The following SORCS1 variants were observed in gnomAD, a reference collection of about 807,000 sequenced individuals.
The protein encoded by SORCS1 is VPS10 domain-containing receptor SorCS1.
In SORCS1, 60 loss-of-function variants were observed where a neutral mutation model predicts 146.1. The ratio of observed to expected loss-of-function variants is 0.41; its 90% CI spans 0.33 to 0.51. SORCS1 has a LOEUF of 0.51. Ranked by LOEUF, SORCS1 falls within the 20% of genes least tolerant of loss-of-function variation. The probability of loss-of-function intolerance (pLI) is 0.21; values close to 1 mark genes in which losing one functional copy is unlikely to be tolerated. For missense variants in SORCS1, 1,352 were observed against 1,487.6 expected (o/e 0.91, Z 1.50); for synonymous variants, 637 against 584.0 (o/e 1.09, Z -1.31).
Position 107,156,798 on chromosome 10 carries a change from T to A in SORCS1, c.558+7171A>T, listed in dbSNP as rs1969317846. Among the ~76,000 whole-genome samples, 3 of 152,206 alleles carry A rather than the reference T, an allele frequency of 2.0e-5. No homozygotes were observed. The East Asian group carries it at 5.8e-4, about 29-fold the overall frequency. ...ACTAGCTTTTATCTGCATAAGAAAA[T>A]CAAAGAGAGGAAGAGATGGCTATAC... is the stretch of plus-strand genomic sequence containing the variant. On this transcript the variant is annotated intron_variant, in intron 1 of 25. Transcript: ENST00000263054.
chr10:107,029,594 A>G lies in SORCS1; in HGVS notation c.559-73014T>C, dbSNP rs190316604. 5.3e-5 allele frequency among the ~76,000 whole-genome samples: 8 copies of G among 152,350 alleles called. No homozygotes were observed. The East Asian group carries it at 1.2e-3, about 22-fold the overall frequency. On this transcript the variant is annotated intron_variant, in intron 1 of 25. Transcript: ENST00000263054. ...ATCCTATTGCCTAAATTCTCAATGC[A>G]TCATTCAATTAATCCAACAGACATA...
chr10:107,160,118 C>T (rs879656184), intron 1 of SORCS1, among the ~76,000 whole-genome samples: 4 of 152,180 alleles, frequency 2.6e-5, no homozygotes, highest in Non-Finnish European at 4.4e-5. Flanking sequence ...TTAATGTCCT[C>T]GCTTTTCTAC....
At chr10:107,095,398 T>G (rs1326382688) in intron 1 of SORCS1, among the ~76,000 whole-genome samples, 4 of 152,052 alleles carry the variant, frequency 2.6e-5, no homozygotes, top group African/African-American at 9.7e-5. Context: ...CTTCCCCACC[T>G]CATCATGCTG....
At chr10:107,100,604 C>A (rs906669495) in intron 1 of SORCS1, among the ~76,000 whole-genome samples, 5 of 151,832 alleles carry the variant, frequency 3.3e-5, no homozygotes, top group Admixed American at 3.3e-4. Flanking sequence ...GAGAAAAGAG[C>A]AGGTATTGAA....
intron 5 of SORCS1, among the ~76,000 whole-genome samples, chr10:106,735,926 CA>C (rs1323935473): frequency 6.6e-6 from 1 of 152,132 alleles, no homozygotes; most frequent in Non-Finnish European, 1.5e-5. Context: ...TTGATGAAAA[CA>C]AGACAAAGCC....
intron 19 of SORCS1, 104 bp from the exon 20 acceptor site, chr10:106,620,665 C>T (rs1197636651): frequency 2.9e-6 from 4 of 1,397,434 alleles, no homozygotes; most frequent in South Asian, 1.6e-5. Context: ...GCCCCCAAAA[C>T]CTGGCTGCCA....
chr10:107,166,440 C>A (rs1970053510), upstream of SORCS1, among the ~76,000 whole-genome samples: 1 of 152,168 alleles, frequency 6.6e-6, no homozygotes, highest in Non-Finnish European at 1.5e-5. Context: ...GGCTTCTCAG[C>A]CATTAAACTT....
intron 2 of SORCS1, among the ~76,000 whole-genome samples, chr10:106,953,729 T>C (rs1388316008): frequency 6.6e-6 from 1 of 152,200 alleles, no homozygotes; most frequent in Admixed American, 6.6e-5. Flanking sequence ...TTGAACACTG[T>C]GGGCAATTGT....
intron 9 of SORCS1, among the ~76,000 whole-genome samples, chr10:106,695,243 AC>A (rs1462965031): frequency 2.6e-5 from 4 of 152,208 alleles, no homozygotes. Flanking sequence ...AGGACTTGGT[AC>A]TAAAGGTGCT....
intron 2 of SORCS1, among the ~76,000 whole-genome samples, chr10:106,926,938 C>G (rs1406345171): frequency 6.6e-6 from 1 of 151,056 alleles, no homozygotes; most frequent in Non-Finnish European, 1.5e-5. Flanking sequence ...TGAGTTTATC[C>G]ATCCAGTTAC....
intron 5 of SORCS1, among the ~76,000 whole-genome samples, chr10:106,755,946 C>T (rs1480196950): frequency 4.0e-5 from 6 of 151,856 alleles, no homozygotes; most frequent in Non-Finnish European, 4.4e-5. Flanking sequence ...CTGGCCAACA[C>T]GGTGAAATTC....
intron 3 of SORCS1, among the ~76,000 whole-genome samples, chr10:106,828,420 G>A (rs924214272): frequency 4.6e-5 from 7 of 152,142 alleles, no homozygotes; most frequent in Non-Finnish European, 4.4e-5. Context: ...GAGCTTGCAC[G>A]TTTGGGGACC....
intron 23 of SORCS1, 135 bp downstream of exon 23, chr10:106,607,031 T>C (rs1427220667): frequency 3.4e-6 from 4 of 1,172,308 alleles, no homozygotes; most frequent in Non-Finnish European, 3.6e-6. Flanking sequence ...ACACCTACCA[T>C]GAATGCTCTT....
In SORCS1 at chr10:106,883,672, C is replaced by A. The variant is rs143073731; in HGVS notation, c.627-53999G>T. 3.6e-3 allele frequency among the ~76,000 whole-genome samples: 553 copies of A among 152,328 alleles called. 2 individuals are homozygous for A. Among genetic ancestry groups the A allele is most frequent in the African/African-American group, 0.012 (499 of 41,580 alleles). ...TCGTGATCCACCCGCCTCAGCCTCC[C>A]AGAGTGGTAGGATTACAGGCGTGAG... On this transcript the variant is annotated intron_variant, in intron 2 of 25. Transcript: ENST00000263054.
At chr10:106,895,331 C>T (rs1292990112) in intron 2 of SORCS1, among the ~76,000 whole-genome samples, 6 of 152,108 alleles carry the variant, frequency 3.9e-5, no homozygotes, top group African/African-American at 1.4e-4. Context: ...TTGGAGATGA[C>T]CAGGTGTGGT....
intron 2 of SORCS1, among the ~76,000 whole-genome samples, chr10:106,839,886 T>C (rs1948948401): frequency 6.6e-6 from 1 of 152,220 alleles, no homozygotes; most frequent in East Asian, 1.9e-4. Flanking sequence ...TGATAGCACA[T>C]CTGTTTACAG....
chr10:107,098,473 A>C (rs973347571), intron 1 of SORCS1, among the ~76,000 whole-genome samples: 1 of 152,228 alleles, frequency 6.6e-6, no homozygotes, highest in Admixed American at 6.5e-5. Context: ...GGTTTTTTCC[A>C]CCATTCAGCA....
At chr10:106,695,687 T>C (rs1291735072) in intron 9 of SORCS1, among the ~76,000 whole-genome samples, 1 of 146,734 alleles carries the variant, frequency 6.8e-6, no homozygotes, top group Non-Finnish European at 1.5e-5. Flanking sequence ...ATATTAGCCA[T>C]TATTAATGAT....
intron 1 of SORCS1, among the ~76,000 whole-genome samples, chr10:107,003,839 A>T (rs1421732665): frequency 6.6e-6 from 1 of 152,150 alleles, no homozygotes; most frequent in African/African-American, 2.4e-5. Flanking sequence ...GGAATAACAG[A>T]AACTCATGAT....
Sources: allele counts gnomAD v4.1 joint callset (sites outside exome capture counted in the v4.1 genomes callset), GRCh38; gene constraint gnomAD v4.1.1; transcripts MANE v1.5; gene names NCBI Gene and HGNC (gene_info 2026-07-23, HGNC 2026-07-21).